Variants in ARB2A observed in about 807,000 individuals in gnomAD.
ARB2A encodes ARB2 cotranscriptional regulator A, also known as cotranscriptional regulator ARB2A.
the ARB2A span, among the ~76,000 whole-genome samples, chr5:93,732,241 G>A: frequency 2.0e-5 from 3 of 152,140 alleles, no homozygotes; most frequent in South Asian, 4.2e-4. Flanking sequence ...TCATCTGGCT[G>A]GGGATGTAAT....
chr5:93,837,789 G>T, the ARB2A span, among the ~76,000 whole-genome samples: 27 of 152,162 alleles, frequency 1.8e-4, no homozygotes, highest in Non-Finnish European at 2.5e-4. Context: ...TCGTATGCTT[G>T]TTGGCCACAT....
At chr5:93,696,147 C>A in the ARB2A span, among the ~76,000 whole-genome samples, 1 of 152,124 alleles carries the variant, frequency 6.6e-6, no homozygotes, top group Non-Finnish European at 1.5e-5. Context: ...AACAAACCTG[C>A]ACGTTCTGCA....
the ARB2A span, among the ~76,000 whole-genome samples, chr5:93,934,086 T>G: frequency 1.3e-5 from 2 of 152,018 alleles, no homozygotes; most frequent in Non-Finnish European, 2.9e-5. Flanking sequence ...AACTATAAAA[T>G]TCCTAGGAAG....
chr5:93,779,705 T>G, the ARB2A span, among the ~76,000 whole-genome samples: 7 of 152,306 alleles, frequency 4.6e-5, no homozygotes, highest in African/African-American at 1.7e-4. Flanking sequence ...TGACTAATGT[T>G]TCTCTGGGTC....
the ARB2A span, chr5:93,784,080 G>T: frequency 5.1e-6 from 1 of 194,658 alleles, no homozygotes; most frequent in Non-Finnish European, 1.0e-5. Flanking sequence ...TTAAGCAACA[G>T]GGAATAAGAA....
chr5:93,837,657 A>G, the ARB2A span, among the ~76,000 whole-genome samples: 1 of 151,982 alleles, frequency 6.6e-6, no homozygotes, highest in Admixed American at 6.6e-5. Context: ...TTTCTCCCCA[A>G]TCTCACCAGC....
chr5:93,700,374 A>C, the ARB2A span, among the ~76,000 whole-genome samples: 6 of 152,152 alleles, frequency 3.9e-5, no homozygotes, highest in South Asian at 1.2e-3. Context: ...GAGACATAGA[A>C]TATTAGAGAA....
chr5:93,863,228 T>C, the ARB2A span: 2 of 152,072 alleles, frequency 1.3e-5, no homozygotes, highest in East Asian at 3.9e-4. Context: ...AGGATGGAAA[T>C]AGAGCCTGGC....
the ARB2A span, among the ~76,000 whole-genome samples, chr5:93,628,886 G>T: frequency 3.3e-5 from 5 of 152,156 alleles, no homozygotes; most frequent in African/African-American, 1.2e-4. Flanking sequence ...AGATTGTTTT[G>T]CTTTCTTATC....
chr5:93,857,796 C>T, the ARB2A span, among the ~76,000 whole-genome samples: 1 of 152,188 alleles, frequency 6.6e-6, no homozygotes, highest in Admixed American at 6.5e-5. Flanking sequence ...CACCCACTGT[C>T]CTGCGCCCAC....
the ARB2A span, among the ~76,000 whole-genome samples, chr5:94,091,701 A>G: frequency 6.6e-6 from 1 of 152,222 alleles, no homozygotes; most frequent in Non-Finnish European, 1.5e-5. Context: ...AGAAATCAAA[A>G]GCCCAATTTT....
At chr5:93,975,335 A>G in the ARB2A span, among the ~76,000 whole-genome samples, 6 of 149,074 alleles carry the variant, frequency 4.0e-5, no homozygotes, top group South Asian at 6.3e-4. Flanking sequence ...AAAAAAAAAA[A>G]GGAAAACAGA....
chr5:93,764,084 C>T, the ARB2A span, among the ~76,000 whole-genome samples: 2 of 152,178 alleles, frequency 1.3e-5, no homozygotes, highest in Non-Finnish European at 2.9e-5. Context: ...TAAATGCCCA[C>T]AAGAGAAAGC....
the ARB2A span, among the ~76,000 whole-genome samples, chr5:94,033,615 G>A: frequency 6.6e-6 from 1 of 152,066 alleles, no homozygotes. Context: ...TGCAGAGACG[G>A]GGTTTCACCA....
At chr5:93,923,371 A>G in the ARB2A span, among the ~76,000 whole-genome samples, 5 of 152,186 alleles carry the variant, frequency 3.3e-5, no homozygotes, top group Non-Finnish European at 5.9e-5. Context: ...GAGCAGTTGA[A>G]TATCTGCATA....
chr5:93,696,724 G>A, the ARB2A span, among the ~76,000 whole-genome samples: 1 of 152,058 alleles, frequency 6.6e-6, no homozygotes. Flanking sequence ...CACAATGCCT[G>A]CCACATTCAT....
the ARB2A span, among the ~76,000 whole-genome samples, chr5:93,831,531 T>G: frequency 6.6e-6 from 1 of 152,162 alleles, no homozygotes; most frequent in Non-Finnish European, 1.5e-5. Flanking sequence ...CAGCCCAGAT[T>G]ACACAAAGCC....
the ARB2A span, among the ~76,000 whole-genome samples, chr5:94,021,142 C>T: frequency 6.6e-6 from 1 of 152,090 alleles, no homozygotes; most frequent in Non-Finnish European, 1.5e-5. Flanking sequence ...ATACATATAA[C>T]ATTTTGGGTT....
the ARB2A span, among the ~76,000 whole-genome samples, chr5:93,643,272 A>G: frequency 6.6e-6 from 1 of 152,152 alleles, no homozygotes; most frequent in Middle Eastern, 3.2e-3. Flanking sequence ...ATGTGCCCAA[A>G]TAGATGGCCC....
Sources: gnomAD v4.1 joint callset for allele counts (sites outside exome capture counted in the v4.1 genomes callset) on GRCh38, gnomAD v4.1.1 for gene constraint, MANE v1.5 for transcripts, NCBI Gene and HGNC (gene_info 2026-07-23, HGNC 2026-07-21) for gene names.